NEK1: variants seen among roughly 807,000 people sequenced by gnomAD.
The protein encoded by NEK1 is serine/threonine-protein kinase Nek1.
Under a neutral mutation model 182.1 loss-of-function variants are expected in NEK1, and 137 were observed. That is an observed-to-expected ratio of 0.75 (90% CI 0.65 to 0.87). NEK1 has a LOEUF of 0.87. Ranked by LOEUF, NEK1 falls within the 40% of genes least tolerant of loss-of-function variation. NEK1 has a pLI of 0.00. For missense variants in NEK1, 1,391 were observed against 1,494.4 expected (o/e 0.93, Z 1.14); for synonymous variants, 513 against 492.2 (o/e 1.04, Z -0.56).
chr4:169,534,450 A>G (rs1758144955), intron 19 of NEK1, among the ~76,000 whole-genome samples: 1 of 152,184 alleles, frequency 6.6e-6, no homozygotes, highest in African/African-American at 2.4e-5. Context: ...TCCAGGACAG[A>G]GTTGCAAAGA....
At chr4:169,475,823 T>C (rs1580001503) in intron 26 of NEK1, among the ~76,000 whole-genome samples, 1 of 152,044 alleles carries the variant, frequency 6.6e-6, no homozygotes, top group East Asian at 1.9e-4. Flanking sequence ...GTACATTGAA[T>C]AGAATTAATA....
At chr4:169,440,646 T>C (rs73864618) in intron 27 of NEK1, among the ~76,000 whole-genome samples, 3 of 152,252 alleles carry the variant, frequency 2.0e-5, no homozygotes, top group Non-Finnish European at 2.9e-5. Flanking sequence ...AGCGAAACAG[T>C]TGGCCTGGCT....
At chr4:169,506,951 A>G in intron 23 of NEK1, 86 bp downstream of exon 23, 1 of 803,998 alleles carries the variant, frequency 1.2e-6, no homozygotes, top group Non-Finnish European at 1.8e-6. Flanking sequence ...AAAAAGCACA[A>G]GAAAATTATA....
chr4:169,429,317 G>A (rs1417735639), intron 29 of NEK1, among the ~76,000 whole-genome samples: 1 of 152,104 alleles, frequency 6.6e-6, no homozygotes, highest in Non-Finnish European at 1.5e-5. Context: ...GAATATTCCT[G>A]CATTTGCTTC....
intron 27 of NEK1, among the ~76,000 whole-genome samples, chr4:169,442,323 G>A (rs1267049733): frequency 6.6e-6 from 1 of 152,076 alleles, no homozygotes; most frequent in Non-Finnish European, 1.5e-5. Flanking sequence ...GGAATTCACA[G>A]ATACCACTGA....
At chr4:169,482,693 G>A (rs976453387) in intron 23 of NEK1, among the ~76,000 whole-genome samples, 4 of 151,842 alleles carry the variant, frequency 2.6e-5, no homozygotes, top group Non-Finnish European at 4.4e-5. Flanking sequence ...GAGTGCAATG[G>A]GGTGCAATGG....
intron 16 of NEK1, among the ~76,000 whole-genome samples, chr4:169,558,263 A>G (rs1762427227): frequency 6.6e-6 from 1 of 152,254 alleles, no homozygotes; most frequent in Non-Finnish European, 1.5e-5. Context: ...AAAATACTAT[A>G]TGAGAATACT....
At chr4:169,573,775 T>C (rs550897546) in intron 12 of NEK1, among the ~76,000 whole-genome samples, 7 of 152,114 alleles carry the variant, frequency 4.6e-5, no homozygotes, top group Non-Finnish European at 7.4e-5. Context: ...TAAGAAAGAG[T>C]TGTTATTATT....
chr4:169,425,718 A>G (rs1004671940), intron 30 of NEK1, among the ~76,000 whole-genome samples: 1 of 151,990 alleles, frequency 6.6e-6, no homozygotes, highest in Admixed American at 6.6e-5. Context: ...GAGTAGCGCT[A>G]TGTTGTCCAG....
rs754851912 is a variant in NEK1, at chr4:169,580,909, T to C, written c.808-7A>G. On this transcript the variant is annotated splice_region_variant and splice_polypyrimidine_tract_variant and intron_variant, in intron 10 of 35. Coordinates refer to ENST00000507142, the MANE Select transcript of NEK1 (RefSeq NM_001199397.3). The stretch of plus-strand genomic sequence containing the variant: ...AAAATTCTTCTGCAATAAGCTGAGA[T>C]TGAAAGAGAAAAAAATTAGAAAAGA... 4 of 1,479,620 alleles carry C rather than the reference T, an allele frequency of 2.7e-6. No homozygotes were observed. Among genetic ancestry groups the C allele is most frequent in the East Asian group, 2.5e-5 (1 of 39,968 alleles). The allele number at this position is 1,479,620 out of a possible 1,614,324, so 91.7% of individuals were successfully genotyped here.
chr4:169,451,057 A>G (rs1387550369), intron 27 of NEK1, among the ~76,000 whole-genome samples: 1 of 152,226 alleles, frequency 6.6e-6, no homozygotes, highest in African/African-American at 2.4e-5. Flanking sequence ...ACATAATGGT[A>G]AAGGGATCAA....
intron 26 of NEK1, among the ~76,000 whole-genome samples, chr4:169,465,216 G>C (rs1744699524): frequency 6.6e-6 from 1 of 152,084 alleles, no homozygotes. Flanking sequence ...ATAACTTACA[G>C]TCATTTGATG....
rs774944690 is a variant in NEK1, at chr4:169,588,732, A to G, written c.468T>C (p.Thr156=). Residue 156 remains threonine, a synonymous_variant, in exon 8 of 36, where the codon ACT becomes ACC. Coordinates refer to ENST00000507142, the MANE Select transcript of NEK1 (RefSeq NM_001199397.3). ...DFGIARVLNS[T]VELARTCIGT... is the part of the protein sequence containing the mutation. ...CTATGCAAGTTCGAGCCAGCTCTAC[A>G]GTACTAGAAGAAAAATAAAATTATT... 33 of 1,537,248 alleles carry G rather than the reference A, an allele frequency of 2.1e-5. 1 individual carries two copies. The Middle Eastern group carries it at 5.0e-4, about 23-fold the overall frequency.
chr4:169,495,306 C>T (rs1339918961), intron 23 of NEK1, among the ~76,000 whole-genome samples: 28 of 145,228 alleles, frequency 1.9e-4, no homozygotes, highest in Non-Finnish European at 3.6e-4. Context: ...TGCAGTGGCG[C>T]GATCTCGACT....
At chr4:169,398,676 G>T (rs1029398960) in intron 35 of NEK1, among the ~76,000 whole-genome samples, 1 of 151,940 alleles carries the variant, frequency 6.6e-6, no homozygotes, top group African/African-American at 2.4e-5. Flanking sequence ...CCAATTTGTT[G>T]ACTTCCCCAA....
intron 19 of NEK1, among the ~76,000 whole-genome samples, chr4:169,521,719 C>G (rs1182768310): frequency 3.3e-5 from 5 of 152,122 alleles, no homozygotes; most frequent in Non-Finnish European, 7.4e-5. Context: ...ATTGATAGTA[C>G]TTTTTCTTCT....
intron 12 of NEK1, among the ~76,000 whole-genome samples, chr4:169,572,743 A>G (rs1765070234): frequency 6.6e-6 from 1 of 152,128 alleles, no homozygotes; most frequent in Non-Finnish European, 1.5e-5. Context: ...AATGAAGAAA[A>G]TATTTCAAGA....
At chr4:169,608,103 A>T (rs1057054596) in intron 2 of NEK1, among the ~76,000 whole-genome samples, 4 of 106,196 alleles carry the variant, frequency 3.8e-5, no homozygotes, top group Non-Finnish European at 8.0e-5. Flanking sequence ...TAAAGTTCAG[A>T]CACACACACA....
chr4:169,495,097 A>G (rs1750922710), intron 23 of NEK1, among the ~76,000 whole-genome samples: 1 of 152,052 alleles, frequency 6.6e-6, no homozygotes, highest in South Asian at 2.1e-4. Context: ...TATTTTAATT[A>G]GATCCCATTT....
Sources: allele counts gnomAD v4.1 joint callset (sites outside exome capture counted in the v4.1 genomes callset), GRCh38; gene constraint gnomAD v4.1.1; transcripts MANE v1.5; gene names NCBI Gene and HGNC (gene_info 2026-07-23, HGNC 2026-07-21).